The following PTCHD4 variants were observed in gnomAD, a reference collection of about 807,000 sequenced individuals.
PTCHD4 encodes the protein patched domain containing 4, also known as patched domain-containing protein 4.
PTCHD4 carries 33 observed loss-of-function variants against 58.1 expected under a neutral mutation model. That is an observed-to-expected ratio of 0.57 (90% confidence interval 0.43 to 0.76). PTCHD4 has a LOEUF of 0.76. Ranked by LOEUF, PTCHD4 falls within the 30% of genes least tolerant of loss-of-function variation. The probability of loss-of-function intolerance (pLI) is 0.00; values close to 1 mark genes in which losing one functional copy is unlikely to be tolerated. For synonymous variants in PTCHD4, 478 were observed against 409.6 expected (o/e 1.17, Z -2.02); for missense variants, 1,058 against 1,027.1 (o/e 1.03, Z -0.41).
chr6:48,017,325 T>C (rs1194542827), intron 3 of PTCHD4, among the ~76,000 whole-genome samples: 2 of 152,160 alleles, frequency 1.3e-5, no homozygotes, highest in Non-Finnish European at 2.9e-5. Flanking sequence ...TCAAAAGTCA[T>C]TCTCAAAATG....
chr6:47,985,234 A>C (rs1055331262), intron 4 of PTCHD4, among the ~76,000 whole-genome samples: 2 of 152,222 alleles, frequency 1.3e-5, no homozygotes, highest in Non-Finnish European at 1.5e-5. Context: ...TCATGCTGAT[A>C]GAATTGATTC....
intron 4 of PTCHD4, among the ~76,000 whole-genome samples, chr6:47,908,710 T>C (rs1325822645): frequency 6.6e-6 from 1 of 152,180 alleles, no homozygotes; most frequent in South Asian, 2.1e-4. Flanking sequence ...TGTCATGGTT[T>C]TTAGCAGAAA....
At chr6:48,107,720 C>G (rs987321542) in intron 1 of PTCHD4, among the ~76,000 whole-genome samples, 1 of 151,888 alleles carries the variant, frequency 6.6e-6, no homozygotes, top group Non-Finnish European at 1.5e-5. Context: ...GGGCTAATAT[C>G]CAGAATCTAC....
chr6:48,075,674 T>C (rs1430868756), intron 1 of PTCHD4, among the ~76,000 whole-genome samples: 1 of 152,198 alleles, frequency 6.6e-6, no homozygotes, highest in Non-Finnish European at 1.5e-5. Flanking sequence ...CCAGTGCATA[T>C]AAAAATTATC....
intron 3 of PTCHD4, among the ~76,000 whole-genome samples, chr6:48,036,548 G>T (rs937503573): frequency 7.9e-5 from 12 of 152,104 alleles, no homozygotes; most frequent in Non-Finnish European, 1.8e-4. Context: ...CACTGTAGAT[G>T]CTTTCTACCC....
At chr6:47,915,224 GTTAAATC>G (rs1204786327) in intron 4 of PTCHD4, among the ~76,000 whole-genome samples, 2 of 151,168 alleles carry the variant, frequency 1.3e-5, no homozygotes, top group African/African-American at 2.4e-5. Flanking sequence ...AAAAGCTGAT[GTTAAATC>G]TTAAAGCACT....
chr6:48,098,344 T>TCTTCTTCTTCTTCTTCTTCTTC (rs1172430988), intron 1 of PTCHD4, among the ~76,000 whole-genome samples: 124 of 137,730 alleles, frequency 9.0e-4, no homozygotes, highest in Middle Eastern at 3.9e-3. Flanking sequence ...TTCTTCTTCT[T>TCTTCTTCTTCTTCTTCTTCTTC]TTTTTTTTTT....
chr6:48,107,352 A>G (rs1765753293), intron 1 of PTCHD4, among the ~76,000 whole-genome samples: 1 of 152,248 alleles, frequency 6.6e-6, no homozygotes, highest in South Asian at 2.1e-4. Flanking sequence ...CAATGGGGAA[A>G]GGATTCCCTA....
chr6:48,013,505 G>A (rs561483617), intron 3 of PTCHD4, among the ~76,000 whole-genome samples: 40 of 151,134 alleles, frequency 2.6e-4, no homozygotes, highest in Non-Finnish European at 5.5e-4. Context: ...TAAATCTCAT[G>A]GGATATTACC....
chr6:48,089,034 G>A (rs1765314114), intron 1 of PTCHD4, among the ~76,000 whole-genome samples: 1 of 152,068 alleles, frequency 6.6e-6, no homozygotes, highest in South Asian at 2.1e-4. Context: ...CAGCAAGAGT[G>A]AAGCTCCATC....
intron 1 of PTCHD4, among the ~76,000 whole-genome samples, chr6:48,102,205 G>T (rs1562050252): frequency 6.6e-6 from 1 of 152,156 alleles, no homozygotes; most frequent in Admixed American, 6.5e-5. Context: ...GAGAGACAGT[G>T]GTTGTGATTC....
intron 4 of PTCHD4, among the ~76,000 whole-genome samples, chr6:47,895,887 G>A (rs989711857): frequency 6.6e-6 from 1 of 152,054 alleles, no homozygotes; most frequent in Non-Finnish European, 1.5e-5. Context: ...TTACTCAGAT[G>A]ATGTCTGCAT....
At chr6:48,031,807 T>C (rs1335439744) in intron 3 of PTCHD4, among the ~76,000 whole-genome samples, 1 of 152,132 alleles carries the variant, frequency 6.6e-6, no homozygotes, top group African/African-American at 2.4e-5. Context: ...TGTTTAAGTA[T>C]CTCAGAATGA....
intron 4 of PTCHD4, among the ~76,000 whole-genome samples, chr6:47,937,144 A>G (rs1214738504): frequency 6.6e-6 from 1 of 152,230 alleles, no homozygotes; most frequent in Non-Finnish European, 1.5e-5. Flanking sequence ...CCATCTGGGT[A>G]AAATCAGAAT....
rs1233761657 is a variant in PTCHD4, at chr6:47,869,373, G to A, written c.*8930C>T. On this transcript the variant is annotated 3_prime_UTR_variant, in exon 5 of 5. Coordinates refer to ENST00000339488, the MANE Select transcript of PTCHD4 (RefSeq NM_001384253.1). ...CCATCTTCTGCAGCTCTCATATGGT[G>A]AGAAAAATGTTGGTTCAAGTATTTT... Among the ~76,000 whole-genome samples, 1 of 151,670 alleles carries A rather than the reference G, an allele frequency of 6.6e-6. No individual in the cohort carries two copies. The highest frequency in any genetic ancestry group is 1.5e-5 in the Non-Finnish European group (1 of 67,784).
intron 1 of PTCHD4, among the ~76,000 whole-genome samples, chr6:48,077,786 G>T (rs1562041580): frequency 6.6e-6 from 1 of 152,190 alleles, no homozygotes; most frequent in Non-Finnish European, 1.5e-5. Flanking sequence ...TGAAGGAGCT[G>T]CTGGTTGGTG....
chr6:47,983,583 A>G (rs1767961719), intron 4 of PTCHD4, among the ~76,000 whole-genome samples: 1 of 152,208 alleles, frequency 6.6e-6, no homozygotes, highest in Non-Finnish European at 1.5e-5. Context: ...GTGCAACCAT[A>G]TGACAAAACT....
intron 4 of PTCHD4, among the ~76,000 whole-genome samples, chr6:47,965,204 G>A (rs1165192960): frequency 6.6e-6 from 1 of 152,134 alleles, no homozygotes; most frequent in African/African-American, 2.4e-5. Flanking sequence ...GCTTCAGTAA[G>A]CAAATTTGAA....
At chr6:48,036,909 A>G (rs12190232) in intron 3 of PTCHD4, among the ~76,000 whole-genome samples, 1 of 152,134 alleles carries the variant, frequency 6.6e-6, no homozygotes, top group Non-Finnish European at 1.5e-5. Flanking sequence ...AAGATGGAAA[A>G]GTCATTACAT....
Sources: gnomAD v4.1 joint callset for allele counts (sites outside exome capture counted in the v4.1 genomes callset) on GRCh38, gnomAD v4.1.1 for gene constraint, MANE v1.5 for transcripts, NCBI Gene and HGNC (gene_info 2026-07-23, HGNC 2026-07-21) for gene names.